Variants in SLC8A1 observed in about 807,000 individuals in gnomAD.
SLC8A1 encodes solute carrier family 8 member A1, also known as sodium/calcium exchanger 1.
SLC8A1 carries 18 observed loss-of-function variants against 68.3 expected under a neutral mutation model. The ratio of observed to expected loss-of-function variants is 0.26; its 90% confidence interval spans 0.18 to 0.39. The LOEUF (loss-of-function observed/expected upper bound fraction) is 0.39. Ranked by LOEUF, SLC8A1 falls within the 10% of genes least tolerant of loss-of-function variation. The pLI, the probability that SLC8A1 is intolerant of heterozygous loss-of-function variation, is 1.00. For synonymous variants in SLC8A1, 475 were observed against 415.5 expected, an observed-to-expected ratio of 1.14 and a Z score of -1.74; for missense variants, 985 against 1,156.7, an observed-to-expected ratio of 0.85 and a Z score of 2.15.
chr2:40,133,031 C>T (rs2039705238), intron 7 of SLC8A1, among the ~76,000 whole-genome samples: 1 of 152,128 alleles, frequency 6.6e-6, no homozygotes, highest in African/African-American at 2.4e-5. Flanking sequence ...TCAGTTGATA[C>T]ATTCTCTGAG....
upstream of SLC8A1, among the ~76,000 whole-genome samples, chr2:40,453,000 T>G (rs1702739804): frequency 6.6e-6 from 1 of 152,136 alleles, no homozygotes. Flanking sequence ...TCATTGCCAA[T>G]AAATCACTTT....
intron 2 of SLC8A1, among the ~76,000 whole-genome samples, chr2:40,252,218 C>T (rs1310918163): frequency 3.3e-5 from 5 of 151,938 alleles, no homozygotes; most frequent in African/African-American, 7.3e-5. Context: ...TTGGACTTCG[C>T]GGTTTATTCT....
At chr2:40,200,173 G>GAGATATATATAA (rs1553407546) in intron 2 of SLC8A1, among the ~76,000 whole-genome samples, 85 of 4,748 alleles carry the variant, frequency 0.018, 11 homozygotes, top group South Asian at 0.098. Flanking sequence ...TCAAGTCATT[G>GAGATATATATAA]ATATATATAT....
intron 2 of SLC8A1, among the ~76,000 whole-genome samples, chr2:40,416,742 T>G (rs963722971): frequency 8.5e-5 from 13 of 152,240 alleles, no homozygotes; most frequent in African/African-American, 3.1e-4. Context: ...TCCTGACTCC[T>G]AAATACTTGT....
intron 1 of SLC8A1, among the ~76,000 whole-genome samples, chr2:40,474,774 A>T (rs1177723409): frequency 2.6e-5 from 4 of 152,202 alleles, no homozygotes; most frequent in African/African-American, 9.7e-5. Flanking sequence ...TTGGTTTGGG[A>T]GCTTGTGCTC....
At chr2:40,271,303 C>T (rs2065998840) in intron 2 of SLC8A1, among the ~76,000 whole-genome samples, 1 of 152,068 alleles carries the variant, frequency 6.6e-6, no homozygotes, top group African/African-American at 2.4e-5. Flanking sequence ...ACATGGCCCC[C>T]TTGCTGTTTC....
chr2:40,282,213 T>C (rs142218602), intron 2 of SLC8A1, among the ~76,000 whole-genome samples: 1 of 152,258 alleles, frequency 6.6e-6, no homozygotes, highest in African/African-American at 2.4e-5. Flanking sequence ...TAACTAAATC[T>C]GAAAGAAAAA....
chr2:40,241,928 A>AT (rs1436610006), intron 2 of SLC8A1, among the ~76,000 whole-genome samples: 1 of 152,180 alleles, frequency 6.6e-6, no homozygotes, highest in Non-Finnish European at 1.5e-5. Context: ...GAATACTGGG[A>AT]TAAAATATAG....
At chr2:40,412,176 G>A (rs969237792) in intron 2 of SLC8A1, among the ~76,000 whole-genome samples, 3 of 152,006 alleles carry the variant, frequency 2.0e-5, no homozygotes, top group South Asian at 2.1e-4. Context: ...GCTGCTTAGC[G>A]ATATGTCAGA....
chr2:40,119,931 G>A (rs1346529433), intron 7 of SLC8A1, among the ~76,000 whole-genome samples: 1 of 152,224 alleles, frequency 6.6e-6, no homozygotes, highest in Non-Finnish European at 1.5e-5. Flanking sequence ...AAGTCAGGAC[G>A]TAATTGTTCT....
upstream of SLC8A1, among the ~76,000 whole-genome samples, chr2:40,456,235 G>A (rs563273867): frequency 4.6e-3 from 661 of 142,748 alleles, 3 homozygotes; most frequent in African/African-American, 0.016. Context: ...AGAATGGCGT[G>A]AACCCAGGAG....
intron 2 of SLC8A1, among the ~76,000 whole-genome samples, chr2:40,352,252 G>C (rs1042629700): frequency 6.6e-6 from 1 of 152,028 alleles, no homozygotes; most frequent in South Asian, 2.1e-4. Flanking sequence ...CTCATTTAGG[G>C]AATTAAAAAA....
rs560709046 is a variant in SLC8A1 at position 40,496,663 on chromosome 2, T to G, written c.-25+15686A>C. Among the ~76,000 whole-genome samples the G allele has an allele frequency of 4.6e-5, 7 of 152,118 alleles. No individual in the cohort carries two copies. In the East Asian group the frequency reaches 1.4e-3, roughly 29 times the overall value. ...TTTGAGCCTGGTAAAATTGACAGTT[T>G]TTGAGATTGATGAGTTTGTATAGTC... On this transcript the variant is annotated intron_variant, in intron 1 of 7. Transcript: ENST00000402441.
At chr2:40,501,334 A>G (rs1186190363) in intron 1 of SLC8A1, among the ~76,000 whole-genome samples, 2 of 152,028 alleles carry the variant, frequency 1.3e-5, no homozygotes, top group East Asian at 1.9e-4. Context: ...GTATTTATGT[A>G]CTCTTTGTAA....
chr2:40,394,407 T>C (rs73928975), intron 2 of SLC8A1, among the ~76,000 whole-genome samples: 8,085 of 152,052 alleles, frequency 0.053, 266 homozygotes, highest in African/African-American at 0.093. Flanking sequence ...TTATTTAAAA[T>C]ATGGTATATA....
At chr2:40,393,010 T>C (rs7570435) in intron 2 of SLC8A1, among the ~76,000 whole-genome samples, 51,328 of 151,948 alleles carry the variant, frequency 0.34, 11,264 homozygotes, top group African/African-American at 0.63. Context: ...GCAGGAGAAA[T>C]GTTGTCAAAT....
intron 1 of SLC8A1, among the ~76,000 whole-genome samples, chr2:40,462,519 T>C (rs1002020177): frequency 6.6e-6 from 1 of 151,452 alleles, no homozygotes; most frequent in African/African-American, 2.4e-5. Context: ...TTAGAGAAGA[T>C]CAGAGCAGGC....
intron 2 of SLC8A1, among the ~76,000 whole-genome samples, chr2:40,292,627 T>A (rs2149237467): frequency 6.6e-6 from 1 of 152,140 alleles, no homozygotes; most frequent in South Asian, 2.1e-4. Context: ...CCCACAGGAG[T>A]GACTGTGATC....
intron 2 of SLC8A1, among the ~76,000 whole-genome samples, chr2:40,183,508 G>C (rs1271587480): frequency 6.6e-6 from 1 of 152,190 alleles, no homozygotes; most frequent in African/African-American, 2.4e-5. Context: ...CCAACTCTGA[G>C]GACTCTGAAT....
Sources: allele counts gnomAD v4.1 joint callset (sites outside exome capture counted in the v4.1 genomes callset), GRCh38; gene constraint gnomAD v4.1.1; transcripts MANE v1.5; gene names NCBI Gene and HGNC (gene_info 2026-07-23, HGNC 2026-07-21).